Variants in ANKRD29 observed in about 807,000 individuals in gnomAD.
ANKRD29 encodes the protein ankyrin repeat domain-containing protein 29.
A neutral mutation model predicts 38.0 loss-of-function variants in ANKRD29; 32 were observed. That is an observed-to-expected ratio of 0.84 (90% CI 0.64 to 1.13). ANKRD29 has a LOEUF of 1.13. Ranked by LOEUF, ANKRD29 falls within the 50% of genes most tolerant of loss-of-function variation. The pLI is 0.00. For synonymous variants in ANKRD29, 135 were observed against 152.4 expected, an observed-to-expected ratio of 0.89 and a Z score of 0.84; for missense variants, 357 against 377.9, an observed-to-expected ratio of 0.94 and a Z score of 0.46.
At chr18:23,607,008 C>T (rs1177193285) in intron 9 of ANKRD29, among the ~76,000 whole-genome samples, 1 of 152,218 alleles carries the variant, frequency 6.6e-6, no homozygotes, top group African/African-American at 2.4e-5. Flanking sequence ...ACCCCAGTTG[C>T]TTTATCTGGA....
Position 23,662,566 on chromosome 18 carries a change from C to G in ANKRD29, c.21+144G>C, listed in dbSNP as rs1309260460. On this transcript the variant is annotated intron_variant, in intron 1 of 9. Coordinates refer to ENST00000592179, the MANE Select transcript of ANKRD29 (RefSeq NM_173505.4). ...CCGCCGCTTCCTCCCGGGCCTCGCC[C>G]GCAGCTGGAGGAGAGAGGAAGGAGG... 4 of 816,258 alleles carry G rather than the reference C, an allele frequency of 4.9e-6. No individual in the cohort carries two copies. In the South Asian group the frequency reaches 1.2e-4, roughly 24 times the overall value. 50.6% of individuals were successfully genotyped at this position (816,258 alleles called of 1,614,324 possible).
At chr18:23,627,106 C>A (rs1281411773) in intron 6 of ANKRD29, among the ~76,000 whole-genome samples, 1 of 152,170 alleles carries the variant, frequency 6.6e-6, no homozygotes, top group Non-Finnish European at 1.5e-5. Context: ...AATAAATATG[C>A]AGAGTTTACA....
At chr18:23,639,059 G>C (rs1415360135) in intron 3 of ANKRD29, 112 bp from the exon 4 acceptor site, 1 of 736,046 alleles carries the variant, frequency 1.4e-6, no homozygotes, top group Non-Finnish European at 2.1e-6. Flanking sequence ...TTCTAGCCTA[G>C]GAAGGGGCTA....
chr18:23,615,014 G>C (rs933448869), intron 8 of ANKRD29, among the ~76,000 whole-genome samples: 1 of 152,064 alleles, frequency 6.6e-6, no homozygotes, highest in Non-Finnish European at 1.5e-5. Flanking sequence ...AGCTAAGAAC[G>C]GCTTCTACTT....
intron 3 of ANKRD29, among the ~76,000 whole-genome samples, chr18:23,645,932 A>T (rs1039931331): frequency 6.7e-6 from 1 of 148,534 alleles, no homozygotes; most frequent in Non-Finnish European, 1.5e-5. Context: ...TAAGCTTGAT[A>T]AAAAAAAAAG....
chr18:23,651,620 C>A (rs190429491), intron 1 of ANKRD29, among the ~76,000 whole-genome samples: 27 of 152,286 alleles, frequency 1.8e-4, no homozygotes, highest in Non-Finnish European at 2.9e-4. Flanking sequence ...TTTTCAGGGA[C>A]TCTGTCATTT....
chr18:23,652,730 G>T (rs1296610342), intron 1 of ANKRD29, among the ~76,000 whole-genome samples: 2 of 152,134 alleles, frequency 1.3e-5, no homozygotes, highest in Non-Finnish European at 2.9e-5. Context: ...CCTCTTTCTT[G>T]ATTTTTCTGA....
chr18:23,615,591 T>C (rs893058475), intron 8 of ANKRD29, among the ~76,000 whole-genome samples: 1 of 151,868 alleles, frequency 6.6e-6, no homozygotes, highest in Non-Finnish European at 1.5e-5. Flanking sequence ...AAAACATTTT[T>C]TGTGGAGATG....
At chr18:23,655,580 A>G (rs1203001491) in intron 1 of ANKRD29, among the ~76,000 whole-genome samples, 7 of 151,678 alleles carry the variant, frequency 4.6e-5, no homozygotes, top group African/African-American at 1.7e-4. Context: ...GAGTAGCTGG[A>G]ATTACAGGCA....
intron 6 of ANKRD29, among the ~76,000 whole-genome samples, chr18:23,628,504 A>G (rs936194809): frequency 3.3e-5 from 5 of 152,170 alleles, no homozygotes; most frequent in African/African-American, 1.2e-4. Flanking sequence ...CTACCTTTAT[A>G]GTAATGTTTC....
rs530280033 is a variant in ANKRD29, at chr18:23,600,053, T to C, written c.*1173A>G. The C allele has an allele frequency of 2.6e-5, 4 of 152,330 alleles. No individual in the cohort carries two copies. The highest frequency in any genetic ancestry group is 5.9e-5 in the Non-Finnish European group (4 of 68,030). The allele number at this position is 152,330 out of a possible 1,614,324, so 9.4% of individuals were successfully genotyped here. ...TACCATTGCGTTTATTTTGGTAGAT[T>C]ACAGAAAGAAGGTTTTATTTTTGTA... On this transcript the variant is annotated 3_prime_UTR_variant, in exon 10 of 10. Coordinates refer to ENST00000592179, the MANE Select transcript of ANKRD29 (RefSeq NM_173505.4).
At chr18:23,624,497 A>G (rs2059837381) in intron 6 of ANKRD29, among the ~76,000 whole-genome samples, 1 of 149,510 alleles carries the variant, frequency 6.7e-6, no homozygotes, top group African/African-American at 2.5e-5. Context: ...AAAAAAAAAA[A>G]AAAGGTAATA....
chr18:23,646,293 T>G lies in ANKRD29; in HGVS notation c.133-6A>C. 1 of 1,613,212 alleles carries G rather than the reference T, an allele frequency of 6.2e-7. No individual in the cohort carries two copies. The highest frequency in any genetic ancestry group is 8.5e-7 in the Non-Finnish European group (1 of 1,179,684). ...ATCAGGAGTGTGGTGCCATGCTGGA[T>G]GGAGGAGAGACAGATGAAGAGTTAG... On this transcript the variant is annotated splice_region_variant and splice_polypyrimidine_tract_variant and intron_variant, in intron 2 of 9. Transcript: ENST00000592179.
At chr18:23,619,252 G>A in intron 7 of ANKRD29, 1 of 406,004 alleles carries the variant, frequency 2.5e-6, no homozygotes, top group Non-Finnish European at 4.4e-6. Context: ...GAGGCCCCCA[G>A]GACAGGCGGG....
intron 8 of ANKRD29, among the ~76,000 whole-genome samples, chr18:23,614,049 C>G (rs2059679997): frequency 6.6e-6 from 1 of 151,972 alleles, no homozygotes. Context: ...ACAATTTTAA[C>G]AAGTGCAGCT....
At chr18:23,638,164 A>AT (rs917125382) in intron 4 of ANKRD29, among the ~76,000 whole-genome samples, 10 of 150,484 alleles carry the variant, frequency 6.6e-5, no homozygotes, top group African/African-American at 1.5e-4. Flanking sequence ...CGCCTGGCTA[A>AT]TTTTTTTTTG....
At position 23,629,869 on chromosome 18, in the gene ANKRD29, A is replaced by T; in HGVS notation, c.512T>A (p.Val171Asp). 6.2e-7 allele frequency: 1 copy of T among 1,613,994 alleles called. No individual in the cohort carries two copies. The highest frequency in any genetic ancestry group is 8.5e-7 in the Non-Finnish European group (1 of 1,179,998). ...GGACATTACCTGCCTTGGCTGGTTG[A>T]CTTTTGCTCCTGAAGCCAGCAGTAA... ...IRLLLASGAK[V>D]NQPRQDGTAP... Residue 171 changes from valine (V) to aspartate (D), a missense_variant, in exon 6 of 10, where the codon GTC becomes GAC. Coordinates refer to ENST00000592179, the MANE Select transcript of ANKRD29 (RefSeq NM_173505.4).
At chr18:23,649,553 ATTTCCTCCCAGAAACACTCCAAATC>A (rs1157844059) in intron 1 of ANKRD29, 2 of 498,018 alleles carry the variant, frequency 4.0e-6, no homozygotes, top group South Asian at 1.5e-5. Flanking sequence ...CTCGAATGCT[ATTTCCTCCCAGAAACACTCCAAATC>A]TTTCCTCACC....
At chr18:23,651,190 G>A (rs968646011) in intron 1 of ANKRD29, among the ~76,000 whole-genome samples, 4 of 152,168 alleles carry the variant, frequency 2.6e-5, no homozygotes, top group Non-Finnish European at 5.9e-5. Flanking sequence ...TGAGAGAATG[G>A]CAGGGTGGAG....
Sources: allele counts gnomAD v4.1 joint callset (sites outside exome capture counted in the v4.1 genomes callset), GRCh38; gene constraint gnomAD v4.1.1; transcripts MANE v1.5; gene names NCBI Gene and HGNC (gene_info 2026-07-23, HGNC 2026-07-21).